SETBP1: variants seen among roughly 807,000 people sequenced by gnomAD.
SETBP1 encodes SET binding protein 1.
A neutral mutation model predicts 101.0 loss-of-function variants in SETBP1; 9 were observed. That is an observed-to-expected ratio of 0.09 (90% CI 0.05 to 0.16). SETBP1 has a LOEUF of 0.16. Among genes scored for constraint, SETBP1 ranks in the 10% least tolerant of loss-of-function variants. SETBP1 has a pLI of 1.00. For missense variants in SETBP1, 1,858 were observed against 2,033.8 expected (o/e 0.91, Z 1.66); for synonymous variants, 818 against 788.5 (o/e 1.04, Z -0.63).
Position 44,950,552 on chromosome 18 carries a change from C to T in SETBP1, c.1212C>T (p.Ile404=), listed in dbSNP as rs764377073. Residue 404 remains isoleucine, a synonymous_variant, in exon 4 of 6, where the codon ATC becomes ATT. Coordinates refer to ENST00000649279, the MANE Select transcript of SETBP1 (RefSeq NM_015559.3). ...ACTCAAGTCATGTCCGGATTACTAT[C>T]CCCATCAAGGCACCCTCTCTGGATC... is the stretch of plus-strand genomic sequence containing the variant. ...ENDSSHVRIT[I]PIKAPSLDPT... 2 of 1,614,062 alleles carry T rather than the reference C, an allele frequency of 1.2e-6. No individual in the cohort carries two copies.
At chr18:44,820,498 G>A (rs1238562162) in intron 2 of SETBP1, among the ~76,000 whole-genome samples, 1 of 152,162 alleles carries the variant, frequency 6.6e-6, no homozygotes, top group African/African-American at 2.4e-5. Flanking sequence ...CTGAATGGTG[G>A]TGGGTGGGGG....
At chr18:44,885,194 T>C (rs2069613549) in intron 3 of SETBP1, among the ~76,000 whole-genome samples, 1 of 152,186 alleles carries the variant, frequency 6.6e-6, no homozygotes, top group Admixed American at 6.5e-5. Context: ...ACCTTAGCTC[T>C]CAGTTTTCTT....
chr18:44,964,846 G>T (rs2071686906), intron 4 of SETBP1, among the ~76,000 whole-genome samples: 1 of 152,146 alleles, frequency 6.6e-6, no homozygotes, highest in East Asian at 1.9e-4. Flanking sequence ...CACTATGGTT[G>T]CCAGGTCTTT....
chr18:44,784,323 T>A (rs2071194549), intron 2 of SETBP1, among the ~76,000 whole-genome samples: 1 of 152,216 alleles, frequency 6.6e-6, no homozygotes, highest in Non-Finnish European at 1.5e-5. Context: ...ACAAAGGATT[T>A]TTTTTCTTTT....
chr18:44,869,827 G>A, intron 3 of SETBP1: 1 of 188,858 alleles, frequency 5.3e-6, no homozygotes. Flanking sequence ...AACTGTGTGA[G>A]GATGTAGGCA....
intron 3 of SETBP1, among the ~76,000 whole-genome samples, chr18:44,914,581 G>A (rs1008960506): frequency 1.2e-4 from 19 of 152,150 alleles, no homozygotes; most frequent in African/African-American, 4.3e-4. Context: ...CTAATAGAAG[G>A]AGAGACATTT....
chr18:45,005,093 G>A (rs2072697275), intron 4 of SETBP1, among the ~76,000 whole-genome samples: 1 of 152,174 alleles, frequency 6.6e-6, no homozygotes, highest in Non-Finnish European at 1.5e-5. Context: ...CTAATATTAT[G>A]ACAAGAGAGA....
chr18:44,709,020 G>C (rs1314467584), intron 2 of SETBP1, among the ~76,000 whole-genome samples: 2 of 152,166 alleles, frequency 1.3e-5, no homozygotes, highest in Non-Finnish European at 2.9e-5. Flanking sequence ...TTAAAATGTG[G>C]TGATTTACCA....
intron 2 of SETBP1, among the ~76,000 whole-genome samples, chr18:44,716,048 A>T (rs2069455132): frequency 6.6e-6 from 1 of 151,810 alleles, no homozygotes; most frequent in South Asian, 2.1e-4. Flanking sequence ...CCAGGAAAAA[A>T]CCATCTGCTG....
At chr18:44,720,126 C>G (rs1332752800) in intron 2 of SETBP1, among the ~76,000 whole-genome samples, 2 of 152,132 alleles carry the variant, frequency 1.3e-5, no homozygotes, top group Admixed American at 6.5e-5. Flanking sequence ...ATAGATATTG[C>G]ATACAATCTG....
intron 4 of SETBP1, among the ~76,000 whole-genome samples, chr18:44,958,466 C>T (rs1371773029): frequency 6.6e-6 from 1 of 152,142 alleles, no homozygotes; most frequent in Non-Finnish European, 1.5e-5. Flanking sequence ...TTTATGGGAA[C>T]AGACAGGGCA....
intron 3 of SETBP1, among the ~76,000 whole-genome samples, chr18:44,889,193 C>T (rs1482401193): frequency 6.6e-6 from 1 of 152,036 alleles, no homozygotes; most frequent in Non-Finnish European, 1.5e-5. Flanking sequence ...TCTCTGATTC[C>T]TTCATTAATC....
intron 2 of SETBP1, among the ~76,000 whole-genome samples, chr18:44,814,135 A>G (rs2071924053): frequency 1.3e-5 from 2 of 152,216 alleles, no homozygotes; most frequent in African/African-American, 4.8e-5. Flanking sequence ...CACCTAGGCC[A>G]GTGGGAGTAG....
At chr18:45,012,334 G>A (rs191768697) in intron 4 of SETBP1, among the ~76,000 whole-genome samples, 3 of 152,248 alleles carry the variant, frequency 2.0e-5, no homozygotes, top group Admixed American at 2.0e-4. Context: ...GGCTGGGGAG[G>A]CAGATTTCGG....
Position 44,701,817 on chromosome 18 carries a change from C to T in SETBP1, c.471C>T (p.Ser157=). ...AAGCCACGAAGGAGGAAGAAAGAAG[C>T]CACTCCAAAAAGAAGGTAGGAAGCC... The part of the protein sequence containing the change: ...NSKATKEEER[S]HSKKKLLTAS... Residue 157 remains serine, a synonymous_variant, in exon 2 of 6, where the codon AGC becomes AGT. Transcript: ENST00000649279. The T allele has an allele frequency of 6.2e-7, 1 of 1,613,144 alleles. No individual in the cohort carries two copies. Among genetic ancestry groups the T allele is most frequent in the Non-Finnish European group, 8.5e-7 (1 of 1,180,020 alleles).
chr18:44,859,992 G>C (rs1306217562), intron 2 of SETBP1, among the ~76,000 whole-genome samples: 1 of 152,196 alleles, frequency 6.6e-6, no homozygotes, highest in African/African-American at 2.4e-5. Flanking sequence ...TCGGTGCTCA[G>C]ATACTCTCTG....
chr18:44,999,994 G>C (rs2072583531), intron 4 of SETBP1, among the ~76,000 whole-genome samples: 1 of 152,228 alleles, frequency 6.6e-6, no homozygotes, highest in Non-Finnish European at 1.5e-5. Flanking sequence ...TTTAACCACA[G>C]ATTATTCTTT....
chr18:44,744,785 A>AAC (rs1555675768), intron 2 of SETBP1, among the ~76,000 whole-genome samples: 2 of 146,608 alleles, frequency 1.4e-5, no homozygotes, highest in African/African-American at 5.2e-5. Flanking sequence ...AAAAAAAACA[A>AAC]AAAAAAAAAC....
chr18:44,951,604 A>T lies in SETBP1; in HGVS notation c.2264A>T (p.Gln755Leu). Residue 755 changes from glutamine (Q) to leucine (L), a missense_variant, in exon 4 of 6, where the codon CAG becomes CTG. By Grantham distance (113) the Gln-to-Leu change is moderately radical (BLOSUM62 -2). Around this residue, in one of 12 missense-constraint regions of SETBP1, gnomAD observed 121 missense variants for 138.0 expected, o/e 0.88. Transcript: ENST00000649279. The surrounding 1 kb of genome is among the most constrained non-coding windows in gnomAD (Gnocchi z 7.8). ...AAGCACCCCAGGCCTGTTTCTAGCC[A>T]GCCGGATGTTCCAGCCGTGCCTTCC... ...AIKHPRPVSS[Q>L]PDVPAVPSNF... The T allele has an allele frequency of 6.2e-7, 1 of 1,614,210 alleles. No homozygotes were observed. The highest frequency in any genetic ancestry group is 1.3e-5 in the African/African-American group (1 of 75,062).
Sources: gnomAD v4.1 joint callset for allele counts (sites outside exome capture counted in the v4.1 genomes callset) on GRCh38, gnomAD v4.1.1 for gene constraint, gnomAD v4.1.1 regional missense constraint, Gnocchi (gnomAD v3.1) non-coding constraint, MANE v1.5 for transcripts, NCBI Gene and HGNC (gene_info 2026-07-23, HGNC 2026-07-21) for gene names.